CCNF: variants seen among roughly 807,000 people sequenced by gnomAD.
The protein encoded by CCNF is cyclin F.
Under a neutral mutation model 85.4 loss-of-function variants are expected in CCNF, and 30 were observed. The ratio of observed to expected loss-of-function variants is 0.35; its 90% CI spans 0.26 to 0.48. The LOEUF is 0.48. Among genes scored for constraint, CCNF ranks in the 20% least tolerant of loss-of-function variants. The pLI, the probability that CCNF is intolerant of heterozygous loss-of-function variation, is 0.99. For missense variants in CCNF, 919 were observed against 1,010.4 expected (o/e 0.91, Z 1.23); for synonymous variants, 439 against 425.1 (o/e 1.03, Z -0.40).
intron 15 of CCNF, among the ~76,000 whole-genome samples, chr16:2,454,209 G>A (rs560852953): frequency 1.1e-4 from 16 of 152,314 alleles, no homozygotes; most frequent in East Asian, 1.9e-4. Context: ...GCGTTGTGTC[G>A]GGAGTGGGCT....
intron 3 of CCNF, among the ~76,000 whole-genome samples, chr16:2,435,002 C>T (rs1421851795): frequency 6.6e-6 from 1 of 152,116 alleles, no homozygotes; most frequent in Non-Finnish European, 1.5e-5. Context: ...CGCTTGTAAT[C>T]CCAGCACTTT....
intron 2 of CCNF, among the ~76,000 whole-genome samples, chr16:2,432,007 T>C (rs1001158593): frequency 2.6e-5 from 4 of 151,968 alleles, no homozygotes; most frequent in Non-Finnish European, 4.4e-5. Context: ...ATTTATTGTA[T>C]TTTTAGTAGA....
intron 15 of CCNF, among the ~76,000 whole-genome samples, chr16:2,454,608 G>A (rs1035324830): frequency 6.6e-6 from 1 of 152,220 alleles, no homozygotes; most frequent in Non-Finnish European, 1.5e-5. Context: ...CAGCTGGTGT[G>A]GCGGCTTTTC....
At chr16:2,440,838 C>T (rs1325668909) in intron 8 of CCNF, among the ~76,000 whole-genome samples, 1 of 152,174 alleles carries the variant, frequency 6.6e-6, no homozygotes, top group Admixed American at 6.5e-5. Flanking sequence ...CCTGCAATCC[C>T]AGCGCTGTAG....
At chr16:2,443,113 T>G (rs2065341356) in intron 8 of CCNF, among the ~76,000 whole-genome samples, 1 of 133,310 alleles carries the variant, frequency 7.5e-6, no homozygotes, top group Non-Finnish European at 1.5e-5. Context: ...ATATATAATA[T>G]ATTACATATT....
intron 10 of CCNF, among the ~76,000 whole-genome samples, chr16:2,447,778 G>A (rs565384799): frequency 1.4e-4 from 21 of 152,034 alleles, no homozygotes; most frequent in African/African-American, 4.6e-4. Context: ...TTTAAAGGCT[G>A]AGCTGCCCCC....
Position 2,457,329 on chromosome 16 carries a change from G to GC in CCNF, c.*309_*310insC. On this transcript the variant is annotated 3_prime_UTR_variant, in exon 17 of 17. Transcript: ENST00000397066. ...TGTCTCTGGAAGCTTCAGCCCATGTGTGTCCTGGTGTTCCCAGCCCCACCA... is the reference window on the plus strand; with the variant it reads ...TGTCTCTGGAAGCTTCAGCCCATGTGCTGTCCTGGTGTTCCCAGCCCCACCA... 4.0e-6 allele frequency: 1 copy of GC among 247,226 alleles called. No individual in the cohort carries two copies. The highest frequency in any genetic ancestry group is 7.8e-6 in the Non-Finnish European group (1 of 128,104). 15.3% of individuals were successfully genotyped at this position (247,226 alleles called of 1,614,324 possible).
chr16:2,430,052 A>T (rs747162065), intron 1 of CCNF, among the ~76,000 whole-genome samples: 23 of 152,148 alleles, frequency 1.5e-4, no homozygotes, highest in Non-Finnish European at 3.1e-4. Context: ...TATTTTATGG[A>T]GAGGTCTATA....
At chr16:2,440,543 G>A (rs982539516) in intron 8 of CCNF, among the ~76,000 whole-genome samples, 1 of 152,000 alleles carries the variant, frequency 6.6e-6, no homozygotes, top group Non-Finnish European at 1.5e-5. Context: ...GGGAGGCAGA[G>A]GTTGCAGTAC....
chr16:2,437,148 CCG>C lies in CCNF; in HGVS notation c.370_371del (p.Ala124ArgfsTer15). ...NEGLSVSDEA[R>X]AEVNGLKASR... is the part of the protein sequence containing the mutation. ...CCGCAGTGTCTGTGTCTGATGAGGC[CCG>C]CGCAGAAGTGAATGGCCTGAAGGCC... On this transcript the variant is annotated frameshift_variant, in exon 5 of 17. Coordinates refer to ENST00000397066, the MANE Select transcript of CCNF (RefSeq NM_001761.3). LOFTEE classifies it high-confidence loss of function. 1 of 1,600,488 alleles carries C rather than the reference CCG, an allele frequency of 6.2e-7. No individual in the cohort carries two copies. The highest frequency in any genetic ancestry group is 8.5e-7 in the Non-Finnish European group (1 of 1,170,178).
chr16:2,444,961 C>G (rs1291796508), intron 9 of CCNF, among the ~76,000 whole-genome samples: 1 of 104,466 alleles, frequency 9.6e-6, no homozygotes, highest in Non-Finnish European at 1.8e-5. Context: ...GGTGTGTTCT[C>G]GGCTTGCTGT....
intron 6 of CCNF, among the ~76,000 whole-genome samples, chr16:2,438,986 A>T (rs1291724329): frequency 6.6e-6 from 1 of 151,672 alleles, no homozygotes; most frequent in African/African-American, 2.4e-5. Context: ...TGACAGAGGG[A>T]GACTCTGCCT....
chr16:2,445,590 G>T lies in CCNF; in HGVS notation c.1062G>T (p.Leu354=). 6.2e-7 allele frequency: 1 copy of T among 1,613,200 alleles called. No individual in the cohort carries two copies. Among genetic ancestry groups the T allele is most frequent in the Non-Finnish European group, 8.5e-7 (1 of 1,180,016 alleles). ...RRLVPRYRLQ[L]LGIACMVICT... is the part of the protein sequence containing the mutation. ...TGGTGCCGCGGTACAGGCTCCAGCT[G>T]CTGGGCATCGCCTGCATGGTCATCT... Residue 354 remains leucine, a synonymous_variant, in exon 10 of 17, where the codon CTG becomes CTT. Transcript: ENST00000397066.
In CCNF at chr16:2,448,829, C is replaced by A. The variant is rs1294456185; in HGVS notation, c.1095-26C>A. 2.5e-6 allele frequency: 4 copies of A among 1,611,248 alleles called. No homozygotes were observed. The South Asian group carries it at 3.3e-5, about 13-fold the overall frequency. On this transcript the variant is annotated intron_variant, in intron 10 of 16. Coordinates refer to ENST00000397066, the MANE Select transcript of CCNF (RefSeq NM_001761.3). ...CCCTGCCCCAGGAAGTGGGCTCCAC[C>A]CTGAGACCCCTTCTCGGCGTTGCAG...
chr16:2,429,470 G>T lies in CCNF; in HGVS notation c.-12G>T. 1 of 1,226,966 alleles carries T rather than the reference G, an allele frequency of 8.2e-7. No individual in the cohort carries two copies. The highest frequency in any genetic ancestry group is 1.0e-6 in the Non-Finnish European group (1 of 985,292). The allele number at this position is 1,226,966 out of a possible 1,614,324, so 76.0% of individuals were successfully genotyped here. On this transcript the variant is annotated 5_prime_UTR_variant, in exon 1 of 17. Coordinates refer to ENST00000397066, the MANE Select transcript of CCNF (RefSeq NM_001761.3). ...TCAGGCGGGCTCCGGCGGCAGCGAC[G>T]CGAGCGCGGCGATGGGGAGCGGCGG...
Position 2,445,606 on chromosome 16 carries a change from A to G in CCNF, c.1078A>G (p.Met360Val), listed in dbSNP as rs765152283. 1.2e-6 allele frequency: 2 copies of G among 1,612,384 alleles called. No individual in the cohort carries two copies. Among genetic ancestry groups the G allele is most frequent in the South Asian group, 1.1e-5 (1 of 91,036 alleles). Reference protein sequence around the residue: ...YRLQLLGIACMVICTRFISKE... With the variant: ...YRLQLLGIACVVICTRFISKE... ...GCTCCAGCTGCTGGGCATCGCCTGC[A>G]TGGTCATCTGCACCCGGTGAGAAGC... Residue 360 changes from methionine (M) to valine (V), a missense_variant, in exon 10 of 17, where the codon ATG becomes GTG. Met to Val is a conservative substitution (Grantham distance 21). Transcript: ENST00000397066.
At chr16:2,436,898 G>A (rs1004700521) in intron 4 of CCNF, 2 of 358,886 alleles carry the variant, frequency 5.6e-6, no homozygotes, top group East Asian at 4.2e-5. Context: ...AGGCTTCCGG[G>A]AGGACCACAG....
chr16:2,457,744 T>G lies in CCNF; in HGVS notation c.*724T>G, dbSNP rs1363287735. 1.3e-5 allele frequency: 2 copies of G among 152,232 alleles called. No individual in the cohort carries two copies. The highest frequency in any genetic ancestry group is 4.8e-5 in the African/African-American group (2 of 41,460). The allele number at this position is 152,232 out of a possible 1,614,324, so 9.4% of individuals were successfully genotyped here. A position where few individuals can be genotyped will look rare whatever the true frequency, so the allele number is the denominator to read the frequency against. ...TTTCCTGTCTTATTTCTAAATTTCC[T>G]TCTTCCAAGATGAAAACAAAAGAAA... On this transcript the variant is annotated 3_prime_UTR_variant, in exon 17 of 17. Transcript: ENST00000397066.
At chr16:2,443,387 A>G (rs916284639) in intron 8 of CCNF, among the ~76,000 whole-genome samples, 1 of 151,762 alleles carries the variant, frequency 6.6e-6, no homozygotes, top group East Asian at 1.9e-4. Context: ...GGCATTAGCC[A>G]TGTAAGAAAC....
Sources: gnomAD v4.1 joint callset for allele counts (sites outside exome capture counted in the v4.1 genomes callset) on GRCh38, gnomAD v4.1.1 for gene constraint, MANE v1.5 for transcripts, NCBI Gene and HGNC (gene_info 2026-07-23, HGNC 2026-07-21) for gene names.